KCND2: variants seen among roughly 807,000 people sequenced by gnomAD.
KCND2 encodes the protein potassium voltage-gated channel subfamily D member 2.
Under a neutral mutation model 54.4 loss-of-function variants are expected in KCND2, and 16 were observed. The ratio of observed to expected loss-of-function variants is 0.29; its 90% CI spans 0.20 to 0.45. KCND2 has a LOEUF of 0.45. KCND2 is among the 20% of genes least tolerant of loss of function. KCND2 has a pLI of 1.00. For missense variants in KCND2, 486 were observed against 824.2 expected, an observed-to-expected ratio of 0.59 and a Z score of 5.02; for synonymous variants, 317 against 310.7, an observed-to-expected ratio of 1.02 and a Z score of -0.21.
At chr7:120,594,259 C>T (rs906336200) in intron 1 of KCND2, among the ~76,000 whole-genome samples, 1 of 152,194 alleles carries the variant, frequency 6.6e-6, no homozygotes, top group Admixed American at 6.5e-5. Context: ...ACTGAACGCA[C>T]AAGTAGTTAT....
intron 1 of KCND2, among the ~76,000 whole-genome samples, chr7:120,417,077 C>T (rs1238181840): frequency 1.3e-5 from 2 of 152,188 alleles, no homozygotes; most frequent in Non-Finnish European, 2.9e-5. Flanking sequence ...AAACTCCTGA[C>T]CTCAAGTGAT....
chr7:120,540,293 A>G (rs1028710974), intron 1 of KCND2, among the ~76,000 whole-genome samples: 7 of 152,192 alleles, frequency 4.6e-5, no homozygotes, highest in African/African-American at 1.7e-4. Flanking sequence ...ATGATATAAA[A>G]TTATTAAAAT....
At chr7:120,419,751 C>G (rs570817942) in intron 1 of KCND2, among the ~76,000 whole-genome samples, 88 of 152,036 alleles carry the variant, frequency 5.8e-4, no homozygotes, top group Non-Finnish European at 9.3e-4. Context: ...TGTGAGGACA[C>G]AGAAAAAGAT....
At position 120,614,502 on chromosome 7, in the gene KCND2, C is replaced by T. The variant is rs188790436; in HGVS notation, c.1116-118401C>T. On this transcript the variant is annotated intron_variant, in intron 1 of 5. Transcript: ENST00000331113. ...TATTTGCAATTGTAGAACTCTGCTGCTTCATTCAATTCCTTTGCCAACAAT... is the reference window on the plus strand; with the variant it reads ...TATTTGCAATTGTAGAACTCTGCTGTTTCATTCAATTCCTTTGCCAACAAT... Among the ~76,000 whole-genome samples the T allele has an allele frequency of 1.2e-3, 179 of 152,244 alleles. 5 individuals carry two copies. Among genetic ancestry groups the T allele is most frequent in the Admixed American group, 9.0e-3 (137 of 15,296 alleles).
rs115061385 is a variant in KCND2, at chr7:120,631,171, C to A, written c.1116-101732C>A. Among the ~76,000 whole-genome samples the A allele has an allele frequency of 3.9e-3, 593 of 152,068 alleles. 5 individuals carry two copies. The highest frequency in any genetic ancestry group is 0.014 in the African/African-American group (573 of 41,516). On this transcript the variant is annotated intron_variant, in intron 1 of 5. Coordinates refer to ENST00000331113, the MANE Select transcript of KCND2 (RefSeq NM_012281.3). ...AAGGTCTTATAAAATAATACTGTTG[C>A]AAGTATAAATAGTATTCTTATCATC...
At chr7:120,374,221 T>C (rs1350115443) in intron 1 of KCND2, among the ~76,000 whole-genome samples, 3 of 151,822 alleles carry the variant, frequency 2.0e-5, no homozygotes, top group Non-Finnish European at 4.4e-5. Flanking sequence ...ATTCACATGA[T>C]TTTCATACTA....
intron 1 of KCND2, among the ~76,000 whole-genome samples, chr7:120,657,957 C>A (rs1791822923): frequency 6.6e-6 from 1 of 152,072 alleles, no homozygotes; most frequent in Non-Finnish European, 1.5e-5. Context: ...ATTCATATTA[C>A]CTAGATTTAT....
chr7:120,419,094 A>C (rs1176349703), intron 1 of KCND2, among the ~76,000 whole-genome samples: 1 of 152,176 alleles, frequency 6.6e-6, no homozygotes, highest in Non-Finnish European at 1.5e-5. Context: ...GAATATGAGC[A>C]AATCTCTGCA....
chr7:120,409,504 T>C (rs918106707), intron 1 of KCND2, among the ~76,000 whole-genome samples: 4 of 151,986 alleles, frequency 2.6e-5, no homozygotes, highest in African/African-American at 9.7e-5. Flanking sequence ...GCATTTTGCA[T>C]TTCTGCCAAC....
chr7:120,437,698 T>C (rs1040448344), intron 1 of KCND2, among the ~76,000 whole-genome samples: 3 of 152,236 alleles, frequency 2.0e-5, no homozygotes, highest in African/African-American at 7.2e-5. Flanking sequence ...AGTATAGTGA[T>C]GTTTCACTTA....
intron 1 of KCND2, among the ~76,000 whole-genome samples, chr7:120,453,999 G>C (rs1413076714): frequency 1.3e-5 from 2 of 152,198 alleles, no homozygotes; most frequent in Admixed American, 6.5e-5. Flanking sequence ...CAGGAGAATG[G>C]CATGAACCCA....
At chr7:120,366,409 A>G (rs1217254692) in intron 1 of KCND2, among the ~76,000 whole-genome samples, 1 of 150,802 alleles carries the variant, frequency 6.6e-6, no homozygotes, top group Admixed American at 6.6e-5. Context: ...AATTTCTTGA[A>G]CCTGGGAGGC....
At chr7:120,434,798 T>A (rs1220828240) in intron 1 of KCND2, among the ~76,000 whole-genome samples, 1 of 148,478 alleles carries the variant, frequency 6.7e-6, no homozygotes, top group African/African-American at 2.6e-5. Context: ...TTTTCACTGC[T>A]GTGTAAAAAG....
chr7:120,742,734 C>A (rs1584903921), intron 4 of KCND2, 132 bp downstream of exon 4: 2 of 727,104 alleles, frequency 2.8e-6, no homozygotes, highest in South Asian at 1.5e-5. Context: ...ACAAACAAAC[C>A]AAAACCCCAC....
At chr7:120,582,205 A>T (rs1319502860) in intron 1 of KCND2, among the ~76,000 whole-genome samples, 1 of 151,908 alleles carries the variant, frequency 6.6e-6, no homozygotes, top group East Asian at 1.9e-4. Flanking sequence ...AGTGTTAATC[A>T]CTTCCTCCTC....
chr7:120,379,042 T>C (rs1800875709), intron 1 of KCND2, among the ~76,000 whole-genome samples: 1 of 152,012 alleles, frequency 6.6e-6, no homozygotes, highest in Admixed American at 6.6e-5. Context: ...TCTCTACTCA[T>C]GCAAAATTTT....
At chr7:120,383,682 G>A (rs1242112611) in intron 1 of KCND2, among the ~76,000 whole-genome samples, 1 of 152,036 alleles carries the variant, frequency 6.6e-6, no homozygotes, top group Non-Finnish European at 1.5e-5. Context: ...AAATATGTCT[G>A]TATACACCTC....
At chr7:120,629,481 G>A (rs574080377) in intron 1 of KCND2, among the ~76,000 whole-genome samples, 3 of 152,216 alleles carry the variant, frequency 2.0e-5, no homozygotes, top group African/African-American at 7.2e-5. Flanking sequence ...GCGAGACTCC[G>A]TCTCGGGGGT....
chr7:120,726,964 A>C (rs546122994), intron 1 of KCND2, among the ~76,000 whole-genome samples: 41 of 152,344 alleles, frequency 2.7e-4, no homozygotes, highest in Middle Eastern at 3.4e-3. Flanking sequence ...CTGTTGTACA[A>C]GGATCTCTTC....
Sources: gnomAD v4.1 joint callset for allele counts (sites outside exome capture counted in the v4.1 genomes callset) on GRCh38, gnomAD v4.1.1 for gene constraint, MANE v1.5 for transcripts, NCBI Gene and HGNC (gene_info 2026-07-23, HGNC 2026-07-21) for gene names.